Variants in WDFY2 observed in about 807,000 individuals in gnomAD.
The protein encoded by WDFY2 is WD repeat and FYVE domain-containing protein 2.
WDFY2 carries 36 observed loss-of-function variants against 56.4 expected under a neutral mutation model. That is an observed-to-expected ratio of 0.64 (90% CI 0.49 to 0.84). The LOEUF is 0.84. Among genes scored for constraint, WDFY2 ranks in the 40% least tolerant of loss-of-function variants. The pLI is 0.00. For synonymous variants in WDFY2, 176 were observed against 183.7 expected, an observed-to-expected ratio of 0.96 and a Z score of 0.34; for missense variants, 444 against 512.2, an observed-to-expected ratio of 0.87 and a Z score of 1.29.
At chr13:51,631,782 G>A (rs529874517) in intron 1 of WDFY2, among the ~76,000 whole-genome samples, 1 of 152,260 alleles carries the variant, frequency 6.6e-6, no homozygotes, top group South Asian at 2.1e-4. Flanking sequence ...TCCCATCTCA[G>A]CCTCCCAAAG....
At chr13:51,675,110 C>T (rs1955864240) in intron 2 of WDFY2, 60 bp from the exon 3 acceptor site, 1 of 1,531,960 alleles carries the variant, frequency 6.5e-7, no homozygotes, top group South Asian at 1.1e-5. Flanking sequence ...TAGTTAGGCA[C>T]TCCTGAGTCG....
chr13:51,697,948 T>A (rs1047657169), intron 3 of WDFY2, among the ~76,000 whole-genome samples: 7 of 152,234 alleles, frequency 4.6e-5, no homozygotes, highest in South Asian at 2.1e-4. Flanking sequence ...TCCATTTTTT[T>A]AAATTAGCTC....
At chr13:51,746,283 G>A (rs1323602396) in intron 7 of WDFY2, among the ~76,000 whole-genome samples, 2 of 152,150 alleles carry the variant, frequency 1.3e-5, no homozygotes, top group Non-Finnish European at 2.9e-5. Flanking sequence ...GCCATACCAA[G>A]GCTAGAAAAC....
At chr13:51,689,904 T>A (rs1566126761) in intron 3 of WDFY2, among the ~76,000 whole-genome samples, 1 of 152,180 alleles carries the variant, frequency 6.6e-6, no homozygotes, top group Non-Finnish European at 1.5e-5. Flanking sequence ...AAAGCTATTT[T>A]CATAATAATA....
At chr13:51,617,226 A>G (rs182953322) in intron 1 of WDFY2, among the ~76,000 whole-genome samples, 151 of 152,346 alleles carry the variant, frequency 9.9e-4, no homozygotes, top group Non-Finnish European at 1.7e-3. Flanking sequence ...GATGTGTTTA[A>G]CAGCAGTAAC....
intron 7 of WDFY2, among the ~76,000 whole-genome samples, chr13:51,742,806 T>G (rs1051931375): frequency 6.6e-6 from 1 of 152,194 alleles, no homozygotes; most frequent in African/African-American, 2.4e-5. Flanking sequence ...GCCATGACCC[T>G]TGGCACTTCC....
At chr13:51,753,070 T>A (rs1953273353) in intron 8 of WDFY2, 1 of 152,206 alleles carries the variant, frequency 6.6e-6, no homozygotes, top group Non-Finnish European at 1.5e-5. Flanking sequence ...GTGCTGGGTA[T>A]TTTAGAAGGG....
intron 1 of WDFY2, among the ~76,000 whole-genome samples, chr13:51,625,125 G>C (rs968999206): frequency 6.6e-6 from 1 of 152,228 alleles, no homozygotes; most frequent in Non-Finnish European, 1.5e-5. Flanking sequence ...TGGAGGACCA[G>C]TTAGGAGGAC....
At chr13:51,693,812 G>A (rs1300124186) in intron 3 of WDFY2, among the ~76,000 whole-genome samples, 3 of 152,132 alleles carry the variant, frequency 2.0e-5, no homozygotes, top group Admixed American at 2.0e-4. Flanking sequence ...TATTGTGTGG[G>A]AGTCTAAGTC....
intron 11 of WDFY2, among the ~76,000 whole-genome samples, chr13:51,759,352 G>C (rs1297712378): frequency 6.6e-6 from 1 of 152,038 alleles, no homozygotes; most frequent in East Asian, 1.9e-4. Context: ...TATTTGGAGG[G>C]TGGAACAAAT....
chr13:51,675,188 C>T lies in WDFY2; in HGVS notation c.224C>T (p.Ser75Phe), dbSNP rs147200308. ...CTTTCAGCTCCATGTTCATGCATGT[C>T]TTTTAACCCGGAAACAAGAAGACTG... ...HAMPSPCSCM[S>F]FNPETRRLSI... Residue 75 changes from serine (S) to phenylalanine (F), a missense_variant, in exon 3 of 12, where the codon TCT becomes TTT. Coordinates refer to ENST00000298125, the MANE Select transcript of WDFY2 (RefSeq NM_052950.4). 1 of 1,613,910 alleles carries T rather than the reference C, an allele frequency of 6.2e-7. No individual in the cohort carries two copies. Among genetic ancestry groups the T allele is most frequent in the Admixed American group, 1.7e-5 (1 of 60,008 alleles).
At chr13:51,588,014 A>G (rs949409246) in intron 1 of WDFY2, 1 of 152,224 alleles carries the variant, frequency 6.6e-6, no homozygotes, top group Admixed American at 6.5e-5. Context: ...TGTAAAAACA[A>G]TCTGATTTAC....
intron 3 of WDFY2, among the ~76,000 whole-genome samples, chr13:51,697,560 G>A (rs1235700799): frequency 1.3e-5 from 2 of 151,714 alleles, no homozygotes; most frequent in Non-Finnish European, 2.9e-5. Context: ...TTGAGCTTAG[G>A]AGGTTGAGGC....
rs553414996 is a variant in WDFY2, at chr13:51,727,624, T to C, written c.486-54T>C. 3.4e-5 allele frequency: 53 copies of C among 1,551,440 alleles called. No individual in the cohort carries two copies. The South Asian group carries it at 4.8e-4, about 14-fold the overall frequency. On this transcript the variant is annotated intron_variant, in intron 5 of 11. Coordinates refer to ENST00000298125, the MANE Select transcript of WDFY2 (RefSeq NM_052950.4). ...GTTACATTTATGCCCTGTTTTTTCA[T>C]TGTAAATTCCCTCATTTAATTTTGA... is the stretch of plus-strand genomic sequence containing the variant.
chr13:51,661,514 A>G (rs937873686), intron 2 of WDFY2, among the ~76,000 whole-genome samples: 10 of 152,180 alleles, frequency 6.6e-5, no homozygotes, highest in African/African-American at 2.4e-4. Flanking sequence ...AGTGTACCTC[A>G]TCTCTTGATA....
Position 51,681,256 on chromosome 13 carries a change from C to T in WDFY2, c.279+6013C>T, listed in dbSNP as rs552107215. Among the ~76,000 whole-genome samples, 3 of 152,310 alleles carry T rather than the reference C, an allele frequency of 2.0e-5. No individual in the cohort carries two copies. The South Asian group carries it at 6.2e-4, about 32-fold the overall frequency. On this transcript the variant is annotated intron_variant, in intron 3 of 11. Coordinates refer to ENST00000298125, the MANE Select transcript of WDFY2 (RefSeq NM_052950.4). ...ACAGCAGTGTAATAGTAGACTCTCA[C>T]TCATCAGTCATCATGATGCATTCCA...
At chr13:51,627,494 A>G (rs1197595671) in intron 1 of WDFY2, among the ~76,000 whole-genome samples, 1 of 151,428 alleles carries the variant, frequency 6.6e-6, no homozygotes, top group Admixed American at 6.6e-5. Context: ...TTAGCCTCCC[A>G]AGTAGCTGGG....
At chr13:51,756,819 A>G (rs1409674721) in intron 10 of WDFY2, among the ~76,000 whole-genome samples, 1 of 152,216 alleles carries the variant, frequency 6.6e-6, no homozygotes, top group African/African-American at 2.4e-5. Context: ...GTATCTTTAC[A>G]GGAGTTGAGT....
At chr13:51,671,299 C>T (rs1166562026) in intron 2 of WDFY2, among the ~76,000 whole-genome samples, 3 of 152,162 alleles carry the variant, frequency 2.0e-5, no homozygotes, top group African/African-American at 7.2e-5. Context: ...ACACTGTTTT[C>T]CATAGTGGTT....
Sources: gnomAD v4.1 joint callset for allele counts (sites outside exome capture counted in the v4.1 genomes callset) on GRCh38, gnomAD v4.1.1 for gene constraint, MANE v1.5 for transcripts, NCBI Gene and HGNC (gene_info 2026-07-23, HGNC 2026-07-21) for gene names.